The following TRAPPC11 variants were observed in gnomAD, a reference collection of about 807,000 sequenced individuals.
TRAPPC11 encodes foie gras homolog.
TRAPPC11 carries 104 observed loss-of-function variants against 151.2 expected under a neutral mutation model. The ratio of observed to expected loss-of-function variants is 0.69; its 90% CI spans 0.59 to 0.81. The LOEUF is 0.81. Ranked by LOEUF, TRAPPC11 falls within the 30% of genes least tolerant of loss-of-function variation. The pLI, the probability that TRAPPC11 is intolerant of heterozygous loss-of-function variation, is 0.00. For missense variants in TRAPPC11, 1,230 were observed against 1,349.6 expected, an observed-to-expected ratio of 0.91 and a Z score of 1.39; for synonymous variants, 456 against 472.3, an observed-to-expected ratio of 0.97 and a Z score of 0.45.
chr4:183,693,231 GT>G, intron 20 of TRAPPC11, 84 bp downstream of exon 20: 1 of 1,331,132 alleles, frequency 7.5e-7, no homozygotes, highest in Non-Finnish European at 1.0e-6. Context: ...TCTCTCTCTT[GT>G]CCAGGCTGGA....
intron 4 of TRAPPC11, among the ~76,000 whole-genome samples, chr4:183,667,482 C>G (rs12054643): frequency 0.49 from 74,539 of 151,864 alleles, 18,827 homozygotes; most frequent in African/African-American, 0.61. Context: ...ATTTACTTAT[C>G]TAAGATCTAT....
At chr4:183,704,484 G>A (rs988392339) in intron 26 of TRAPPC11, among the ~76,000 whole-genome samples, 2 of 145,052 alleles carry the variant, frequency 1.4e-5, no homozygotes, top group African/African-American at 5.3e-5. Flanking sequence ...TTGCACCATT[G>A]CAGCCCAGCC....
intron 18 of TRAPPC11, among the ~76,000 whole-genome samples, chr4:183,688,014 A>G (rs1579196459): frequency 6.6e-6 from 1 of 152,204 alleles, no homozygotes; most frequent in African/African-American, 2.4e-5. Context: ...ACTCTATTAT[A>G]AACTCACTTA....
At position 183,706,795 on chromosome 4, in the gene TRAPPC11, C is replaced by A; in HGVS notation, c.3056-12C>A. ...TTTTAAACCAAGAGAAGTGTGTCAT[C>A]TTTCTCTGTAGATCTGCCGTCATTT... On this transcript the variant is annotated splice_polypyrimidine_tract_variant and intron_variant, in intron 27 of 29. Transcript: ENST00000334690. 6.2e-7 allele frequency: 1 copy of A among 1,606,372 alleles called. No individual in the cohort carries two copies. Among genetic ancestry groups the A allele is most frequent in the Middle Eastern group, 1.7e-4 (1 of 6,022 alleles).
chr4:183,687,552 C>G (rs1736046489), intron 18 of TRAPPC11, among the ~76,000 whole-genome samples: 1 of 152,040 alleles, frequency 6.6e-6, no homozygotes, highest in South Asian at 2.1e-4. Flanking sequence ...TGGTCTTGAA[C>G]TCCTGGGCTC....
chr4:183,692,994 C>T lies in TRAPPC11; in HGVS notation c.2084C>T (p.Thr695Met), dbSNP rs759325090. The change falls in exon 20 of 30, where the codon ACG becomes ATG. Residue 695 changes from threonine to methionine, a missense_variant. Physicochemically the swap from Thr to Met is moderately conservative, Grantham distance 81. Transcript: ENST00000334690. The part of the protein sequence containing the change: ...TSVDLALGNE[T>M]GRCVVLNWQG... ...GTGGATCTTGCTCTGGGCAATGAGA[C>T]GGGAAGATGTGTGGTTTTAAATTGG... is the stretch of plus-strand genomic sequence containing the variant. 90 of 1,612,476 alleles carry T rather than the reference C, an allele frequency of 5.6e-5. No homozygotes were observed. The highest frequency in any genetic ancestry group is 6.2e-5 in the Non-Finnish European group (73 of 1,179,282).
intron 25 of TRAPPC11, among the ~76,000 whole-genome samples, chr4:183,699,354 A>G (rs1208393793): frequency 1.3e-5 from 2 of 152,076 alleles, no homozygotes; most frequent in Non-Finnish European, 2.9e-5. Flanking sequence ...CTTTATTCCC[A>G]TGGTGTTTTG....
chr4:183,708,470 G>A lies in TRAPPC11; in HGVS notation c.3253G>A (p.Ala1085Thr), dbSNP rs1319124548. The change falls in exon 29 of 30, where the codon GCT becomes ACT. Residue 1085 changes from alanine (A) to threonine (T), a missense_variant. Physicochemically the swap from Ala to Thr is moderately conservative, Grantham distance 58. Transcript: ENST00000334690. ...EMLYNFYPLM[A>T]GYQQLPSLNI... ...GCTATATAATTTCTATCCTCTGATG[G>A]CTGGATACCAGCAGCTGCCATCTCT... is the stretch of plus-strand genomic sequence containing the variant. The A allele has an allele frequency of 6.2e-7, 1 of 1,613,950 alleles. No homozygotes were observed. The highest frequency in any genetic ancestry group is 2.2e-5 in the East Asian group (1 of 44,880).
At chr4:183,700,359 A>G (rs893377217) in intron 25 of TRAPPC11, among the ~76,000 whole-genome samples, 3 of 152,344 alleles carry the variant, frequency 2.0e-5, no homozygotes, top group South Asian at 2.1e-4. Context: ...TCTGTCCACA[A>G]TCAGACCTCC....
Position 183,694,945 on chromosome 4 carries a change from C to CT in TRAPPC11, c.2628+242dup, listed in dbSNP as rs34556587. 0.1 allele frequency among the ~76,000 whole-genome samples: 12,587 copies of CT among 119,898 alleles called. 837 individuals carry two copies. Among genetic ancestry groups the CT allele is most frequent in the African/African-American group, 0.13 (4,178 of 31,736 alleles). The allele number at this position is 119,898 out of a possible 152,430, so 78.7% of individuals were successfully genotyped here. Reference sequence around the variant, plus strand: ...CAGAAAATTAGCTTATATGGCTTTTCTTTTTTTTTTTTTTTTTTTTGAGGC... The same window carrying CT: ...CAGAAAATTAGCTTATATGGCTTTTCTTTTTTTTTTTTTTTTTTTTTGAGGC... On this transcript the variant is annotated intron_variant, in intron 23 of 29. Coordinates refer to ENST00000334690, the MANE Select transcript of TRAPPC11 (RefSeq NM_021942.6).
chr4:183,677,657 A>G, intron 8 of TRAPPC11, 103 bp downstream of exon 8: 1 of 711,024 alleles, frequency 1.4e-6, no homozygotes. Context: ...AAAAGTTAGT[A>G]TTTGATTAAT....
intron 10 of TRAPPC11, 22 bp from the exon 11 acceptor site, chr4:183,682,710 A>G: frequency 6.5e-7 from 1 of 1,542,510 alleles, no homozygotes. Flanking sequence ...ACTATTATTT[A>G]GGTTTGTGTT....
chr4:183,683,837 CTT>C (rs1735822585), intron 11 of TRAPPC11, 136 bp from the exon 12 acceptor site: 6 of 720,752 alleles, frequency 8.3e-6, no homozygotes, highest in Non-Finnish European at 1.4e-5. Context: ...CTCTTAGCAC[CTT>C]TACGATTCTA....
intron 26 of TRAPPC11, among the ~76,000 whole-genome samples, chr4:183,704,666 A>T (rs1736964172): frequency 6.6e-6 from 1 of 151,806 alleles, no homozygotes; most frequent in Non-Finnish European, 1.5e-5. Flanking sequence ...ACAAAAAATT[A>T]GCCAGGCGTG....
chr4:183,683,975 G>A lies in TRAPPC11; in HGVS notation c.1208G>A (p.Ser403Asn), dbSNP rs761391260. ...GQRSWRQGIL[S>N]FDLSDPEKEK... ...ATGAGTTGTGTCTCATCTTACGCAG[G>A]TTTTGATCTTTCTGATCCTGAAAAA... The change falls in exon 12 of 30, where the codon AGT (serine) becomes AAT (asparagine). Residue 403 changes from serine to asparagine, a missense_variant and splice_region_variant. Physicochemically the swap from Ser to Asn is conservative, Grantham distance 46. Coordinates refer to ENST00000334690, the MANE Select transcript of TRAPPC11 (RefSeq NM_021942.6). The A allele has an allele frequency of 2.5e-6, 4 of 1,613,678 alleles. No homozygotes were observed. Among genetic ancestry groups the A allele is most frequent in the South Asian group, 2.2e-5 (2 of 91,072 alleles).
chr4:183,711,594 C>T (rs575726908), intron 29 of TRAPPC11, among the ~76,000 whole-genome samples: 4 of 152,260 alleles, frequency 2.6e-5, no homozygotes, highest in East Asian at 1.9e-4. Flanking sequence ...CCATTCCTGC[C>T]GTGAATGTCT....
chr4:183,687,004 C>A (rs958960425), intron 18 of TRAPPC11, among the ~76,000 whole-genome samples: 8 of 152,074 alleles, frequency 5.3e-5, no homozygotes, highest in Non-Finnish European at 1.2e-4. Flanking sequence ...CATGGTGAAA[C>A]CCCGTCTCTA....
At chr4:183,684,994 A>T (rs1735893266) in intron 15 of TRAPPC11, 90 bp from the exon 16 acceptor site, 3 of 1,361,134 alleles carry the variant, frequency 2.2e-6, no homozygotes, top group Non-Finnish European at 3.1e-6. Context: ...AGAGGTATTT[A>T]TTATTATATC....
intron 18 of TRAPPC11, among the ~76,000 whole-genome samples, chr4:183,689,548 A>G (rs559073624): frequency 6.6e-6 from 1 of 151,664 alleles, no homozygotes; most frequent in South Asian, 2.1e-4. Context: ...CTGGAATCTA[A>G]GCTCCACAAG....
Sources: allele counts gnomAD v4.1 joint callset (sites outside exome capture counted in the v4.1 genomes callset), GRCh38; gene constraint gnomAD v4.1.1; transcripts MANE v1.5; gene names NCBI Gene and HGNC (gene_info 2026-07-23, HGNC 2026-07-21).